The following MTMR12 variants were observed in gnomAD, a reference collection of about 807,000 sequenced individuals.
MTMR12 encodes the protein myotubularin related protein 12, also known as myotubularin-related protein 12.
A neutral mutation model predicts 96.7 loss-of-function variants in MTMR12; 33 were observed. The ratio of observed to expected loss-of-function variants is 0.34; its 90% confidence interval spans 0.26 to 0.46. MTMR12 has a LOEUF of 0.46. MTMR12 is among the 20% of genes least tolerant of loss of function. The pLI is 1.00. For synonymous variants in MTMR12, 298 were observed against 327.2 expected, an observed-to-expected ratio of 0.91 and a Z score of 0.96; for missense variants, 721 against 896.1, an observed-to-expected ratio of 0.80 and a Z score of 2.49.
chr5:32,240,087 T>C lies in MTMR12; in HGVS notation c.1172-914A>G, dbSNP rs141534007. Among the ~76,000 whole-genome samples, 1,310 of 152,266 alleles carry C rather than the reference T, an allele frequency of 8.6e-3. 19 individuals are homozygous for C. Among genetic ancestry groups the C allele is most frequent in the African/African-American group, 0.027 (1,142 of 41,550 alleles). On this transcript the variant is annotated intron_variant, in intron 12 of 15. Coordinates refer to ENST00000382142, the MANE Select transcript of MTMR12 (RefSeq NM_001040446.3). Reference sequence around the variant, plus strand: ...CATGAGGAGGATGGTGCTAGTATCATTGGTGTTAGAGAAACTTAAGAATGA... The same window carrying C: ...CATGAGGAGGATGGTGCTAGTATCACTGGTGTTAGAGAAACTTAAGAATGA...
At chr5:32,282,506 T>C (rs1750341536) in intron 1 of MTMR12, among the ~76,000 whole-genome samples, 2 of 151,800 alleles carry the variant, frequency 1.3e-5, no homozygotes, top group Admixed American at 6.6e-5. Flanking sequence ...TAATCCTTTC[T>C]GGTTAACACT....
chr5:32,227,682 A>G lies in MTMR12; in HGVS notation c.*2096T>C, dbSNP rs551090585. Reference sequence around the variant, plus strand: ...TAGCATATTTGGGAGGCAATGGGGCAGAGAAGGAAGTGGAGGTTAGTGCTA... The same window carrying G: ...TAGCATATTTGGGAGGCAATGGGGCGGAGAAGGAAGTGGAGGTTAGTGCTA... On this transcript the variant is annotated 3_prime_UTR_variant, in exon 16 of 16. Transcript: ENST00000382142. The G allele has an allele frequency of 6.5e-6, 1 of 152,806 alleles. No homozygotes were observed. Among genetic ancestry groups the G allele is most frequent in the African/African-American group, 2.4e-5 (1 of 41,604 alleles). 9.5% of individuals were successfully genotyped at this position (152,806 alleles called of 1,614,324 possible).
chr5:32,253,354 C>G (rs1044473044), intron 8 of MTMR12, among the ~76,000 whole-genome samples: 1 of 152,078 alleles, frequency 6.6e-6, no homozygotes, highest in East Asian at 1.9e-4. Context: ...ATAATTTCAC[C>G]GATTCCAAAT....
chr5:32,291,749 C>T (rs993837285), intron 1 of MTMR12, among the ~76,000 whole-genome samples: 3 of 152,202 alleles, frequency 2.0e-5, no homozygotes, highest in South Asian at 2.1e-4. Flanking sequence ...GACCTGGCTA[C>T]GGCCACTGTT....
chr5:32,254,038 T>C (rs1014607072), intron 8 of MTMR12, among the ~76,000 whole-genome samples: 17 of 152,226 alleles, frequency 1.1e-4, no homozygotes, highest in African/African-American at 4.1e-4. Flanking sequence ...CTACATTTCA[T>C]ATACTGCAGG....
chr5:32,276,089 C>G lies in MTMR12; in HGVS notation c.142+593G>C, dbSNP rs75254999. 1.8e-3 allele frequency among the ~76,000 whole-genome samples: 279 copies of G among 152,326 alleles called. 1 individual carries two copies. The highest frequency in any genetic ancestry group is 5.8e-3 in the African/African-American group (242 of 41,578). ...CCCATATATGGAGAGGATACACCAC[C>G]AAGTAGTTACTACTCCTGAACATGG... On this transcript the variant is annotated intron_variant, in intron 2 of 15. Coordinates refer to ENST00000382142, the MANE Select transcript of MTMR12 (RefSeq NM_001040446.3).
intron 6 of MTMR12, among the ~76,000 whole-genome samples, chr5:32,264,480 A>C (rs998685091): frequency 2.7e-5 from 4 of 147,800 alleles, no homozygotes; most frequent in Non-Finnish European, 4.5e-5. Flanking sequence ...TTTTTTTTTG[A>C]GACGGAGTCT....
At chr5:32,302,283 G>C (rs891788656) in intron 1 of MTMR12, among the ~76,000 whole-genome samples, 3 of 152,208 alleles carry the variant, frequency 2.0e-5, no homozygotes, top group Admixed American at 6.5e-5. Context: ...GAAATAAAGA[G>C]AGTATTAGTT....
chr5:32,270,638 A>T (rs1749793764), intron 5 of MTMR12, among the ~76,000 whole-genome samples, 179 bp downstream of exon 5: 1 of 152,234 alleles, frequency 6.6e-6, no homozygotes, highest in African/African-American at 2.4e-5. Flanking sequence ...AAGATGATAC[A>T]CACGCATGCT....
intron 8 of MTMR12, among the ~76,000 whole-genome samples, chr5:32,253,611 G>A (rs994980222): frequency 2.0e-5 from 3 of 152,136 alleles, no homozygotes; most frequent in East Asian, 1.9e-4. Flanking sequence ...GTGAGAACAC[G>A]TTCTCACAGT....
intron 7 of MTMR12, among the ~76,000 whole-genome samples, chr5:32,259,034 G>C (rs1223939402): frequency 6.6e-6 from 1 of 151,950 alleles, no homozygotes; most frequent in Admixed American, 6.6e-5. Context: ...GTCCTCTCCT[G>C]ACCACTTAAT....
rs891188213 is a variant in MTMR12 at position 32,272,285 on chromosome 5, T to C, written c.286-380A>G. Among the ~76,000 whole-genome samples, 13 of 151,946 alleles carry C rather than the reference T, an allele frequency of 8.6e-5. No homozygotes were observed. The South Asian group carries it at 2.7e-3, about 32-fold the overall frequency. On this transcript the variant is annotated intron_variant, in intron 3 of 15. Coordinates refer to ENST00000382142, the MANE Select transcript of MTMR12 (RefSeq NM_001040446.3). ...CAGCCTGGGTGACAGAACGAGACTC[T>C]GTCTCAAAAATAAATAAATAAATAA...
At chr5:32,297,967 C>T (rs1750991042) in intron 1 of MTMR12, among the ~76,000 whole-genome samples, 1 of 152,252 alleles carries the variant, frequency 6.6e-6, no homozygotes, top group Non-Finnish European at 1.5e-5. Flanking sequence ...TGGCTAGAGG[C>T]AGAGGCCTCC....
chr5:32,230,055 C>A lies in MTMR12; in HGVS notation c.1967G>T (p.Gly656Val). 1.2e-6 allele frequency: 2 copies of A among 1,613,304 alleles called. No individual in the cohort carries two copies. Among genetic ancestry groups the A allele is most frequent in the Non-Finnish European group, 1.7e-6 (2 of 1,179,332 alleles). The change falls in exon 16 of 16, where the codon GGC becomes GTC. Residue 656 changes from glycine to valine, a missense_variant. Transcript: ENST00000382142. Reference sequence around the variant, plus strand: ...GAGTTTGCTCAGAGTGGCCACTTGGCCACCACCTAGGATTTGGGCTTCTGG... The same window carrying A: ...GAGTTTGCTCAGAGTGGCCACTTGGACACCACCTAGGATTTGGGCTTCTGG... ...WIPEAQILGG[G>V]QVATLSKLLE...
At chr5:32,303,425 C>A (rs554973980) in intron 1 of MTMR12, among the ~76,000 whole-genome samples, 14 of 152,246 alleles carry the variant, frequency 9.2e-5, no homozygotes, top group East Asian at 1.9e-4. Context: ...CCCCAGAATC[C>A]CTCTCTATTT....
chr5:32,234,249 G>T (rs1200222773), intron 14 of MTMR12, among the ~76,000 whole-genome samples: 1 of 152,128 alleles, frequency 6.6e-6, no homozygotes, highest in African/African-American at 2.4e-5. Flanking sequence ...AAACTGAACT[G>T]CCCAAGGTCA....
At chr5:32,250,911 T>C (rs557414916) in intron 8 of MTMR12, among the ~76,000 whole-genome samples, 36 of 152,276 alleles carry the variant, frequency 2.4e-4, no homozygotes, top group African/African-American at 8.7e-4. Context: ...AAGTCTTCTG[T>C]TGCTGCAATT....
At chr5:32,306,098 G>C (rs1751349271) in intron 1 of MTMR12, among the ~76,000 whole-genome samples, 1 of 152,086 alleles carries the variant, frequency 6.6e-6, no homozygotes, top group African/African-American at 2.4e-5. Flanking sequence ...TACTAAGGAA[G>C]TACTCTAGTG....
intron 12 of MTMR12, among the ~76,000 whole-genome samples, chr5:32,241,434 A>G (rs1748471507): frequency 6.6e-6 from 1 of 152,242 alleles, no homozygotes; most frequent in African/African-American, 2.4e-5. Flanking sequence ...TTGGGGGTAT[A>G]AAGCATGAGA....
Sources: allele counts gnomAD v4.1 joint callset (sites outside exome capture counted in the v4.1 genomes callset), GRCh38; gene constraint gnomAD v4.1.1; transcripts MANE v1.5; gene names NCBI Gene and HGNC (gene_info 2026-07-23, HGNC 2026-07-21).